The following LIN28B variants were observed in gnomAD, a reference collection of about 807,000 sequenced individuals.
The protein encoded by LIN28B is protein lin-28 homolog B.
A neutral mutation model predicts 21.9 loss-of-function variants in LIN28B; 5 were observed. The observed-to-expected ratio is 0.23, with a 90% CI of 0.12 to 0.48. The LOEUF (loss-of-function observed/expected upper bound fraction) is 0.48, where lower values mean the gene tolerates loss of function less well. Among genes scored for constraint, LIN28B ranks in the 20% least tolerant of loss-of-function variants. The pLI, the probability that LIN28B is intolerant of heterozygous loss-of-function variation, is 0.98. For missense variants in LIN28B, 245 were observed against 310.5 expected (o/e 0.79, Z 1.58); for synonymous variants, 109 against 111.3 (o/e 0.98, Z 0.13).
At chr6:104,997,401 C>T (rs552299575) in intron 2 of LIN28B, among the ~76,000 whole-genome samples, 18 of 150,914 alleles carry the variant, frequency 1.2e-4, no homozygotes, top group Non-Finnish European at 2.5e-4. Flanking sequence ...TATAGTATTT[C>T]GTATATATAG....
chr6:104,975,762 C>T, intron 2 of LIN28B, among the ~76,000 whole-genome samples: 1 of 151,956 alleles, frequency 6.6e-6, no homozygotes, highest in East Asian at 1.9e-4. Context: ...TCAGGTGAAC[C>T]TCCCACCTCA....
intron 2 of LIN28B, among the ~76,000 whole-genome samples, chr6:104,980,428 C>A (rs1304462891): frequency 7.9e-5 from 12 of 152,100 alleles, no homozygotes; most frequent in Non-Finnish European, 1.8e-4. Context: ...GTCTTTTGAT[C>A]TTGAAATTTT....
At chr6:105,018,884 C>G (rs936359798) in intron 2 of LIN28B, among the ~76,000 whole-genome samples, 4 of 151,924 alleles carry the variant, frequency 2.6e-5, no homozygotes, top group African/African-American at 9.7e-5. Context: ...TCTGGATATA[C>G]TAAATAGATG....
chr6:104,963,010 AG>A (rs984396844), intron 2 of LIN28B, among the ~76,000 whole-genome samples: 2 of 152,188 alleles, frequency 1.3e-5, no homozygotes, highest in African/African-American at 4.8e-5. Context: ...GAGTGCTTTA[AG>A]GCCGTTTAAT....
At chr6:104,997,137 T>C (rs1770621853) in intron 2 of LIN28B, among the ~76,000 whole-genome samples, 1 of 151,718 alleles carries the variant, frequency 6.6e-6, no homozygotes. Flanking sequence ...AAAAATTAGC[T>C]GGGCATGGTG....
intron 3 of LIN28B, among the ~76,000 whole-genome samples, chr6:105,062,871 G>C (rs1421116524): frequency 6.6e-6 from 1 of 151,676 alleles, no homozygotes; most frequent in African/African-American, 2.4e-5. Flanking sequence ...CAATTTGATT[G>C]ATTTTTTTCA....
At chr6:104,953,525 A>T (rs1272186980), upstream of LIN28B, among the ~76,000 whole-genome samples, 1 of 152,250 alleles carries the variant, frequency 6.6e-6, no homozygotes, top group East Asian at 1.9e-4. Flanking sequence ...TCTTGGGGAC[A>T]AGATGACAAA....
In LIN28B at chr6:104,997,285, AAAAAAAAAAAG is replaced by A. The variant is rs1279110917; in HGVS notation, c.199-29008_199-28998del. Among the ~76,000 whole-genome samples the A allele has an allele frequency of 1.3e-4, 20 of 149,930 alleles. No individual in the cohort carries two copies. The East Asian group carries it at 2.9e-3, about 22-fold the overall frequency. On this transcript the variant is annotated intron_variant, in intron 2 of 3. Coordinates refer to ENST00000345080, the MANE Select transcript of LIN28B (RefSeq NM_001004317.4). ...GACAGAACGAGACTCCGTCTCAAAA[AAAAAAAAAAAG>A]AAAAGAAAAAGAAAAGAAAAAGTTT...
At chr6:105,001,120 G>C (rs1770710653) in intron 2 of LIN28B, among the ~76,000 whole-genome samples, 1 of 152,116 alleles carries the variant, frequency 6.6e-6, no homozygotes, top group East Asian at 1.9e-4. Context: ...TAGTAAACAA[G>C]AAGATCTTCT....
intron 2 of LIN28B, among the ~76,000 whole-genome samples, chr6:104,943,031 T>G (rs187309136): frequency 6.9e-6 from 1 of 145,638 alleles, no homozygotes; most frequent in Admixed American, 6.6e-5. Context: ...GTTGTGAAAT[T>G]AGTCAAGATT....
At chr6:104,959,555 C>G in intron 2 of LIN28B, among the ~76,000 whole-genome samples, 1 of 152,090 alleles carries the variant, frequency 6.6e-6, no homozygotes, top group East Asian at 1.9e-4. Flanking sequence ...GTGTGTTTTC[C>G]TTTCCTGAAG....
intron 2 of LIN28B, among the ~76,000 whole-genome samples, chr6:104,970,166 C>T (rs1256441068): frequency 1.3e-5 from 2 of 152,058 alleles, no homozygotes; most frequent in Non-Finnish European, 2.9e-5. Flanking sequence ...AGTTGTAAAA[C>T]CTAATTTACA....
chr6:105,022,592 A>G (rs1173212816), intron 2 of LIN28B, among the ~76,000 whole-genome samples: 1 of 152,006 alleles, frequency 6.6e-6, no homozygotes, highest in Non-Finnish European at 1.5e-5. Flanking sequence ...ATCTTCTCTG[A>G]TTGGAGGTCT....
chr6:105,063,640 G>GC (rs1239772445), intron 3 of LIN28B, among the ~76,000 whole-genome samples: 1 of 141,744 alleles, frequency 7.1e-6, no homozygotes, highest in East Asian at 2.0e-4. Context: ...CATCTCGGGG[G>GC]GGGGGGGGAA....
chr6:105,009,097 G>T (rs1055126113), intron 2 of LIN28B, among the ~76,000 whole-genome samples: 6 of 152,058 alleles, frequency 3.9e-5, no homozygotes, highest in African/African-American at 1.4e-4. Context: ...ACAAGCCAGG[G>T]ATTTTAATGA....
chr6:104,975,099 C>T (rs1360413053), intron 2 of LIN28B, among the ~76,000 whole-genome samples: 2 of 152,036 alleles, frequency 1.3e-5, no homozygotes, highest in South Asian at 2.1e-4. Flanking sequence ...AGATTACAGG[C>T]GTGAGCCACC....
chr6:105,028,733 T>C (rs1370031678), intron 3 of LIN28B, among the ~76,000 whole-genome samples: 1 of 152,156 alleles, frequency 6.6e-6, no homozygotes, highest in Non-Finnish European at 1.5e-5. Flanking sequence ...AAGATGTATA[T>C]TAGGCAGATG....
intron 2 of LIN28B, among the ~76,000 whole-genome samples, chr6:104,948,893 T>C (rs534787928): frequency 2.0e-5 from 3 of 152,316 alleles, no homozygotes; most frequent in African/African-American, 7.2e-5. Context: ...TTATTGTCAG[T>C]CAAATTGGCT....
intron 2 of LIN28B, among the ~76,000 whole-genome samples, chr6:105,020,077 A>G (rs1490661750): frequency 9.6e-6 from 1 of 103,760 alleles, no homozygotes; most frequent in Non-Finnish European, 2.1e-5. Flanking sequence ...CATTCATACT[A>G]TTTTCAGTTG....
Sources: allele counts gnomAD v4.1 joint callset (sites outside exome capture counted in the v4.1 genomes callset), GRCh38; gene constraint gnomAD v4.1.1; transcripts MANE v1.5; gene names NCBI Gene and HGNC (gene_info 2026-07-23, HGNC 2026-07-21).